The following TNR variants were observed in gnomAD, a reference collection of about 807,000 sequenced individuals.
The protein encoded by TNR is tenascin-R.
TNR carries 45 observed loss-of-function variants against 150.4 expected under a neutral mutation model. The observed-to-expected ratio is 0.30, with a 90% CI of 0.24 to 0.38. TNR has a LOEUF of 0.38. Among genes scored for constraint, TNR ranks in the 10% least tolerant of loss-of-function variants. The pLI is 1.00. For missense variants in TNR, 1,544 were observed against 1,759.1 expected, an observed-to-expected ratio of 0.88 and a Z score of 2.19; for synonymous variants, 687 against 678.4, an observed-to-expected ratio of 1.01 and a Z score of -0.20.
At chr1:175,345,265 T>C (rs986748408) in intron 18 of TNR, among the ~76,000 whole-genome samples, 1 of 152,206 alleles carries the variant, frequency 6.6e-6, no homozygotes, top group Non-Finnish European at 1.5e-5. Flanking sequence ...ATCCTTCACA[T>C]GTCTGTGGCC....
chr1:175,711,425 G>A (rs1667011055), intron 1 of TNR, among the ~76,000 whole-genome samples: 1 of 152,206 alleles, frequency 6.6e-6, no homozygotes, highest in South Asian at 2.1e-4. Flanking sequence ...GGAGTGGAGT[G>A]AGAGAGGGTG....
chr1:175,403,713 A>G lies in TNR; in HGVS notation c.500-97T>C. 4 of 1,007,992 alleles carry G rather than the reference A, an allele frequency of 4.0e-6. No individual in the cohort carries two copies. In the South Asian group the frequency reaches 6.1e-5, roughly 15 times the overall value. The allele number at this position is 1,007,992 out of a possible 1,614,324, so 62.4% of individuals were successfully genotyped here. On this transcript the variant is annotated intron_variant, in intron 3 of 22. Transcript: ENST00000367674. ...CAAAGGCCTCTCTACTCATTCTCTG[A>G]CCAGATTTCTGTTGCTGAGAGTGAA...
chr1:175,338,136 A>C (rs1650337601), intron 18 of TNR, among the ~76,000 whole-genome samples: 1 of 152,210 alleles, frequency 6.6e-6, no homozygotes, highest in Non-Finnish European at 1.5e-5. Context: ...AAAGAATGAG[A>C]GGCATCTGAG....
chr1:175,661,391 G>A (rs1665367603), intron 1 of TNR, among the ~76,000 whole-genome samples: 1 of 152,194 alleles, frequency 6.6e-6, no homozygotes, highest in African/African-American at 2.4e-5. Flanking sequence ...AAATGTTGAT[G>A]TAATTGAGAA....
At chr1:175,328,275 C>T (rs544238810) in intron 21 of TNR, among the ~76,000 whole-genome samples, 1 of 152,204 alleles carries the variant, frequency 6.6e-6, no homozygotes, top group Non-Finnish European at 1.5e-5. Flanking sequence ...AGGAGCTGCT[C>T]AACAACCTCT....
At chr1:175,472,033 G>T (rs1657314343) in intron 2 of TNR, among the ~76,000 whole-genome samples, 2 of 152,052 alleles carry the variant, frequency 1.3e-5, no homozygotes, top group South Asian at 4.1e-4. Flanking sequence ...AGCTACTCAG[G>T]AGGCTGAGGC....
At chr1:175,538,823 G>T (rs1016168057) in intron 1 of TNR, 4 of 152,236 alleles carry the variant, frequency 2.6e-5, no homozygotes, top group African/African-American at 4.8e-5. Context: ...CATACAGGAA[G>T]GTTGCTAATG....
intron 20 of TNR, among the ~76,000 whole-genome samples, chr1:175,331,054 T>TTTCTTTCTTTCTTTCTTTCC (rs1557867687): frequency 4.7e-5 from 5 of 105,780 alleles, no homozygotes; most frequent in Middle Eastern, 4.9e-3. Flanking sequence ...TCTTTCTTTC[T>TTTCTTTCTTTCTTTCTTTCC]TTCTTTCTTT....
intron 2 of TNR, among the ~76,000 whole-genome samples, chr1:175,412,946 G>A (rs1248871638): frequency 6.6e-6 from 1 of 152,170 alleles, no homozygotes; most frequent in East Asian, 1.9e-4. Flanking sequence ...CTTCACTTCT[G>A]GCTTTATTCT....
intron 1 of TNR, among the ~76,000 whole-genome samples, chr1:175,592,347 G>C (rs1013641876): frequency 1.3e-5 from 2 of 152,216 alleles, no homozygotes; most frequent in African/African-American, 4.8e-5. Context: ...CCCTTCACCA[G>C]TTCAAGTGAT....
At chr1:175,532,276 T>G (rs1050201533) in intron 1 of TNR, among the ~76,000 whole-genome samples, 2 of 152,216 alleles carry the variant, frequency 1.3e-5, no homozygotes, top group Non-Finnish European at 2.9e-5. Flanking sequence ...CTCACAGCAG[T>G]TGGTTGCTGA....
chr1:175,560,653 T>G (rs1444139542), intron 1 of TNR, among the ~76,000 whole-genome samples: 2 of 152,252 alleles, frequency 1.3e-5, no homozygotes, highest in Admixed American at 6.5e-5. Flanking sequence ...ATCTTAGGAT[T>G]TCTATAATGA....
rs144121061 is a variant in TNR at position 175,529,021 on chromosome 1, G to A, written c.-164-652C>T. The stretch of plus-strand genomic sequence containing the variant: ...AGAACAACCTCCAACAGAAGCAGTG[G>A]CATCGATTGTTAAGTGAGAGCCTTC... On this transcript the variant is annotated intron_variant, in intron 1 of 22. Transcript: ENST00000367674. Among the ~76,000 whole-genome samples, 779 of 152,304 alleles carry A rather than the reference G, an allele frequency of 5.1e-3. 7 individuals are homozygous for A. Among genetic ancestry groups the A allele is most frequent in the Admixed American group, 9.9e-3 (152 of 15,300 alleles).
rs74491951 is a variant in TNR at position 175,598,528 on chromosome 1, T to C, written c.-164-70159A>G. ...GTTTTAGTTACCAAAGCCTTGGACG[T>C]GGGCATGAATACATGCTTATGGAAT... On this transcript the variant is annotated intron_variant, in intron 1 of 22. Transcript: ENST00000367674. 6.0e-3 allele frequency among the ~76,000 whole-genome samples: 915 copies of C among 152,336 alleles called. 2 individuals carry two copies. The highest frequency in any genetic ancestry group is 0.031 in the East Asian group (163 of 5,182).
intron 2 of TNR, among the ~76,000 whole-genome samples, chr1:175,413,587 C>T (rs1266420282): frequency 6.6e-6 from 1 of 152,214 alleles, no homozygotes; most frequent in Non-Finnish European, 1.5e-5. Flanking sequence ...CTGCCCTTCA[C>T]TCTCTTCCTG....
At chr1:175,400,966 G>A (rs910821693) in intron 4 of TNR, among the ~76,000 whole-genome samples, 1 of 152,224 alleles carries the variant, frequency 6.6e-6, no homozygotes, top group Admixed American at 6.5e-5. Flanking sequence ...TGGCTCTAGG[G>A]TTGCTATAGA....
At position 175,590,631 on chromosome 1, in the gene TNR, G is replaced by A. The variant is rs150616471; in HGVS notation, c.-164-62262C>T. Among the ~76,000 whole-genome samples, 334 of 152,344 alleles carry A rather than the reference G, an allele frequency of 2.2e-3. 2 individuals carry two copies. The East Asian group carries it at 0.027, about 12-fold the overall frequency. On this transcript the variant is annotated intron_variant, in intron 1 of 22. Transcript: ENST00000367674. ...GACAGTGTTGGCACAAAGGAGGGGGGGATCCACTCAGTTGAGGTGGGTGGC... is the reference window on the plus strand; with the variant it reads ...GACAGTGTTGGCACAAAGGAGGGGGAGATCCACTCAGTTGAGGTGGGTGGC...
At chr1:175,411,705 T>C (rs1654224726) in intron 2 of TNR, among the ~76,000 whole-genome samples, 1 of 151,926 alleles carries the variant, frequency 6.6e-6, no homozygotes, top group Non-Finnish European at 1.5e-5. Context: ...GCAGTCACAA[T>C]GGATTAGAGG....
intron 1 of TNR, among the ~76,000 whole-genome samples, chr1:175,561,677 C>T (rs1019375249): frequency 4.6e-5 from 7 of 152,136 alleles, no homozygotes; most frequent in Non-Finnish European, 1.0e-4. Flanking sequence ...TCTGCTGTGT[C>T]CAGACCTTAA....
Sources: allele counts gnomAD v4.1 joint callset (sites outside exome capture counted in the v4.1 genomes callset), GRCh38; gene constraint gnomAD v4.1.1; transcripts MANE v1.5; gene names NCBI Gene and HGNC (gene_info 2026-07-23, HGNC 2026-07-21).